The following STK39 variants were observed in gnomAD, a reference collection of about 807,000 sequenced individuals.
STK39 encodes serine/threonine kinase 39.
Under a neutral mutation model 77.8 loss-of-function variants are expected in STK39, and 20 were observed. The ratio of observed to expected loss-of-function variants is 0.26; its 90% CI spans 0.18 to 0.37. The LOEUF (loss-of-function observed/expected upper bound fraction) is 0.37. STK39 is among the 10% of genes least tolerant of loss of function. The probability of loss-of-function intolerance (pLI) is 1.00; values close to 1 mark genes in which losing one functional copy is unlikely to be tolerated. For missense variants in STK39, 479 were observed against 656.5 expected, an observed-to-expected ratio of 0.73 and a Z score of 2.95; for synonymous variants, 246 against 234.1, an observed-to-expected ratio of 1.05 and a Z score of -0.47.
intron 1 of STK39, among the ~76,000 whole-genome samples, chr2:168,246,784 A>C (rs1292945049): frequency 6.6e-6 from 1 of 152,070 alleles, no homozygotes; most frequent in African/African-American, 2.4e-5. Context: ...AGAGTCCCCC[A>C]GGACGCGGCC....
At chr2:168,042,160 T>G (rs1300851899) in intron 14 of STK39, among the ~76,000 whole-genome samples, 1 of 152,228 alleles carries the variant, frequency 6.6e-6, no homozygotes, top group Non-Finnish European at 1.5e-5. Context: ...CTTTCCACTC[T>G]CAAGATATTT....
At chr2:168,099,179 C>G (rs1395058777) in intron 10 of STK39, among the ~76,000 whole-genome samples, 1 of 152,220 alleles carries the variant, frequency 6.6e-6, no homozygotes, top group African/African-American at 2.4e-5. Flanking sequence ...CTCAGCCCAG[C>G]CAAGCCCCAG....
chr2:168,059,926 C>A lies in STK39; in HGVS notation c.1376+3574G>T, dbSNP rs114937114. On this transcript the variant is annotated intron_variant, in intron 14 of 17. Transcript: ENST00000355999. ...TGTAAGCTCCTTTAGGGCAAGAAGT[C>A]TGCCTTTTCTTTTTTCTACTGGTAC... 3.4e-3 allele frequency among the ~76,000 whole-genome samples: 525 copies of A among 152,290 alleles called. 3 individuals are homozygous for A. Among genetic ancestry groups the A allele is most frequent in the African/African-American group, 0.012 (494 of 41,566 alleles).
chr2:168,242,546 C>CAAAAAAAAAAAA (rs1186813675), intron 1 of STK39, among the ~76,000 whole-genome samples: 1 of 17,542 alleles, frequency 5.7e-5, no homozygotes, highest in African/African-American at 2.0e-4. Context: ...AAGACTCTTA[C>CAAAAAAAAAAAA]AAAAAAAAAA....
chr2:168,058,047 C>G (rs555162494), intron 14 of STK39, among the ~76,000 whole-genome samples: 1 of 152,266 alleles, frequency 6.6e-6, no homozygotes, highest in East Asian at 1.9e-4. Flanking sequence ...ACCCAATATT[C>G]TCATTGAGCT....
chr2:168,177,655 A>T (rs1433464992), intron 2 of STK39, among the ~76,000 whole-genome samples: 1 of 152,162 alleles, frequency 6.6e-6, no homozygotes, highest in Non-Finnish European at 1.5e-5. Flanking sequence ...AAAAGCACTC[A>T]TGCGATGGAT....
At chr2:168,234,411 C>T (rs990302472) in intron 1 of STK39, among the ~76,000 whole-genome samples, 9 of 152,330 alleles carry the variant, frequency 5.9e-5, no homozygotes, top group Middle Eastern at 3.4e-3. Flanking sequence ...TTAGTGGCTA[C>T]CAAGCTGGAC....
chr2:168,156,386 A>G (rs531914404), intron 5 of STK39, among the ~76,000 whole-genome samples: 95 of 152,196 alleles, frequency 6.2e-4, no homozygotes, highest in Non-Finnish European at 9.6e-4. Flanking sequence ...TCCATCAACA[A>G]TGCTTATAAA....
At chr2:168,053,732 T>C (rs1685454643) in intron 14 of STK39, among the ~76,000 whole-genome samples, 1 of 152,244 alleles carries the variant, frequency 6.6e-6, no homozygotes, top group African/African-American at 2.4e-5. Context: ...TCCTTTAGCA[T>C]GTTTACCAGC....
Position 168,247,518 on chromosome 2 carries a change from CTCTCG to C in STK39, c.-88_-84del. The C allele has an allele frequency of 9.5e-7, 1 of 1,048,628 alleles. No individual in the cohort carries two copies. 65.0% of individuals were successfully genotyped at this position (1,048,628 alleles called of 1,614,324 possible). A position where few individuals can be genotyped will look rare whatever the true frequency, so the allele number is the denominator to read the frequency against. ...ACTTCCTTTGCCTCGCCGCCGACAC[CTCTCG>C]GCCGGCGCACGCCCTCCCCGCCCGC... On this transcript the variant is annotated 5_prime_UTR_variant, in exon 1 of 18. Coordinates refer to ENST00000355999, the MANE Select transcript of STK39 (RefSeq NM_013233.3).
intron 14 of STK39, among the ~76,000 whole-genome samples, chr2:168,053,978 G>A (rs1301879238): frequency 2.0e-5 from 3 of 152,196 alleles, no homozygotes; most frequent in Non-Finnish European, 4.4e-5. Context: ...AATCAAGCAA[G>A]TGATGTGACA....
chr2:168,049,737 G>T (rs144155506), intron 14 of STK39, among the ~76,000 whole-genome samples: 1 of 152,224 alleles, frequency 6.6e-6, no homozygotes, highest in Non-Finnish European at 1.5e-5. Flanking sequence ...TATGACTCCA[G>T]CCACCAGCTG....
At chr2:167,972,279 A>G (rs996030004) in intron 16 of STK39, among the ~76,000 whole-genome samples, 8 of 152,234 alleles carry the variant, frequency 5.3e-5, no homozygotes, top group Admixed American at 3.9e-4. Flanking sequence ...TTACCACAAG[A>G]AAAGAATTCT....
chr2:168,084,876 C>T (rs1686327118), intron 10 of STK39, among the ~76,000 whole-genome samples: 1 of 152,160 alleles, frequency 6.6e-6, no homozygotes, highest in Non-Finnish European at 1.5e-5. Context: ...TAAGGTGGTG[C>T]CTTGTAGACA....
At chr2:168,125,358 C>A (rs561027101) in intron 10 of STK39, among the ~76,000 whole-genome samples, 136 of 152,262 alleles carry the variant, frequency 8.9e-4, no homozygotes, top group Non-Finnish European at 1.6e-3. Context: ...AACCCCAAGA[C>A]ATGGCTGGAG....
intron 10 of STK39, among the ~76,000 whole-genome samples, chr2:168,127,005 C>G (rs558447438): frequency 6.6e-6 from 1 of 152,268 alleles, no homozygotes; most frequent in East Asian, 1.9e-4. Context: ...TGAGGTTCAT[C>G]TAAAAGCAAA....
intron 16 of STK39, among the ~76,000 whole-genome samples, chr2:167,988,383 C>A (rs1429984467): frequency 6.6e-6 from 1 of 152,128 alleles, no homozygotes. Flanking sequence ...TCAAAAAGCT[C>A]TCCATGTTTT....
At position 168,217,970 on chromosome 2, in the gene STK39, T is replaced by C. The variant is rs186083437; in HGVS notation, c.208+29258A>G. On this transcript the variant is annotated intron_variant, in intron 1 of 17. Transcript: ENST00000355999. ...AGATCACGTCCATGTTATCATGATT[T>C]AGACAGAAATAGCCTCCTAGCAGTA... Among the ~76,000 whole-genome samples the C allele has an allele frequency of 1.6e-3, 249 of 152,354 alleles. 1 individual carries two copies. Among genetic ancestry groups the C allele is most frequent in the African/African-American group, 5.7e-3 (238 of 41,574 alleles).
At chr2:167,998,056 C>A (rs566561384) in intron 16 of STK39, among the ~76,000 whole-genome samples, 1 of 152,290 alleles carries the variant, frequency 6.6e-6, no homozygotes, top group South Asian at 2.1e-4. Flanking sequence ...TTGGAAAGCT[C>A]TTTCCCTTAA....
Sources: allele counts gnomAD v4.1 joint callset (sites outside exome capture counted in the v4.1 genomes callset), GRCh38; gene constraint gnomAD v4.1.1; transcripts MANE v1.5; gene names NCBI Gene and HGNC (gene_info 2026-07-23, HGNC 2026-07-21).